DNMBP: variants seen among roughly 807,000 people sequenced by gnomAD.
DNMBP encodes dynamin binding protein, also known as dynamin-binding protein.
In DNMBP, 87 loss-of-function variants were observed where a neutral mutation model predicts 150.0. The ratio of observed to expected loss-of-function variants is 0.58; its 90% CI spans 0.49 to 0.69. The LOEUF (loss-of-function observed/expected upper bound fraction) is 0.69, where lower values mean the gene tolerates loss of function less well. DNMBP is among the 30% of genes least tolerant of loss of function. The pLI is 0.00. For missense variants in DNMBP, 1,774 were observed against 1,949.0 expected (o/e 0.91, Z 1.69); for synonymous variants, 711 against 750.4 (o/e 0.95, Z 0.86).
chr10:99,982,463 A>C (rs745395053), intron 1 of DNMBP, among the ~76,000 whole-genome samples: 3 of 151,778 alleles, frequency 2.0e-5, no homozygotes, highest in Non-Finnish European at 4.4e-5. Flanking sequence ...ATAAATAAAT[A>C]AATAATAAAA....
rs1301154719 is a variant in DNMBP, at chr10:99,909,112, C to T, written c.2295G>A (p.Leu765=). 9 of 1,613,982 alleles carry T rather than the reference C, an allele frequency of 5.6e-6. No homozygotes were observed. The African/African-American group carries it at 1.2e-4, about 22-fold the overall frequency. ...CAGACACAGACCCAGAAGGGGCCAC[C>T]AGTGATGAAGACTGGGAGGAGAGGA... ...MTLLSSQSSS[L]VAPSGSVSAE... Residue 765 remains leucine (L), a synonymous_variant, in exon 5 of 17, where the codon CTG becomes CTA. Transcript: ENST00000324109.
intron 1 of DNMBP, among the ~76,000 whole-genome samples, chr10:99,977,076 A>G (rs971481788): frequency 5.3e-5 from 8 of 152,174 alleles, no homozygotes; most frequent in Admixed American, 3.9e-4. Context: ...TTTTCACTCT[A>G]CCAGAAAATG....
At chr10:99,895,234 C>A (rs11594024) in intron 10 of DNMBP, among the ~76,000 whole-genome samples, 184 bp from the exon 11 acceptor site, 47,565 of 150,090 alleles carry the variant, frequency 0.32, 8,048 homozygotes, top group Non-Finnish European at 0.38. Context: ...TCAAGCAATT[C>A]TCCTGCGTCA....
chr10:99,985,227 T>C (rs2040817238), intron 1 of DNMBP, among the ~76,000 whole-genome samples: 1 of 152,116 alleles, frequency 6.6e-6, no homozygotes, highest in South Asian at 2.1e-4. Context: ...AGTACCAACA[T>C]TTGAGCACCA....
At chr10:99,883,443 G>A (rs980995870) in intron 15 of DNMBP, among the ~76,000 whole-genome samples, 6 of 151,546 alleles carry the variant, frequency 4.0e-5, no homozygotes, top group African/African-American at 1.2e-4. Context: ...GCAGGAGGAC[G>A]GCTTGAGCCT....
At chr10:99,900,545 A>C (rs2039724522) in intron 6 of DNMBP, among the ~76,000 whole-genome samples, 1 of 152,174 alleles carries the variant, frequency 6.6e-6, no homozygotes, top group African/African-American at 2.4e-5. Context: ...CAGAGCCTCC[A>C]GTCCCTTTGC....
rs2039694946 is a variant in DNMBP, at chr10:99,898,671, G to A, written c.2720+72C>T. 10 of 1,520,856 alleles carry A rather than the reference G, an allele frequency of 6.6e-6. No homozygotes were observed. The African/African-American group carries it at 1.1e-4, about 17-fold the overall frequency. The allele number at this position is 1,520,856 out of a possible 1,614,324, so 94.2% of individuals were successfully genotyped here. ...TTTGTCTATAAAGGAAGAAAATACA[G>A]TTGCTTAAGAGTTAGTTAGGAAAAA... On this transcript the variant is annotated intron_variant, in intron 8 of 16. Coordinates refer to ENST00000324109, the MANE Select transcript of DNMBP (RefSeq NM_015221.4).
intron 4 of DNMBP, among the ~76,000 whole-genome samples, chr10:99,918,249 G>A (rs959398562): frequency 2.6e-5 from 4 of 151,932 alleles, no homozygotes; most frequent in African/African-American, 4.8e-5. Context: ...CTTCTACTTG[G>A]AGAAATTTTA....
intron 14 of DNMBP, among the ~76,000 whole-genome samples, chr10:99,885,219 C>G (rs553703009): frequency 2.6e-5 from 4 of 151,936 alleles, no homozygotes; most frequent in South Asian, 4.2e-4. Flanking sequence ...CCCTCCCCCC[C>G]ACAAAAAAAG....
chr10:99,949,010 A>AAATAAATAAATG (rs547171846), intron 4 of DNMBP, among the ~76,000 whole-genome samples: 5 of 148,706 alleles, frequency 3.4e-5, no homozygotes, highest in African/African-American at 7.4e-5. Flanking sequence ...ATAAATAAAT[A>AAATAAATAAATG]AATGCAGAGT....
intron 11 of DNMBP, 75 bp from the exon 12 acceptor site, chr10:99,889,028 A>AT: frequency 6.6e-7 from 1 of 1,521,332 alleles, no homozygotes; most frequent in African/African-American, 1.4e-5. Flanking sequence ...CCAAGACTGA[A>AT]TAGCAGTCTT....
In DNMBP at chr10:99,891,706, G is replaced by A. The variant is rs372637137; in HGVS notation, c.3157-2753C>T. On this transcript the variant is annotated intron_variant, in intron 11 of 16. Transcript: ENST00000324109. The stretch of plus-strand genomic sequence containing the variant: ...AAGTGAGGAGCGTCTCTGCCCGGCC[G>A]CCATCCCACCTGGGAAGTGAGGAGC... 2.7e-5 allele frequency among the ~76,000 whole-genome samples: 4 copies of A among 148,150 alleles called. No individual in the cohort carries two copies. In the East Asian group the frequency reaches 5.9e-4, roughly 22 times the overall value.
At chr10:99,987,086 T>G (rs1589450258) in intron 1 of DNMBP, among the ~76,000 whole-genome samples, 1 of 143,002 alleles carries the variant, frequency 7.0e-6, no homozygotes. Context: ...ACCCGGGAGG[T>G]GGAGCTTTCA....
At chr10:99,900,124 A>G in intron 6 of DNMBP, 58 bp from the exon 7 acceptor site, 2 of 1,595,332 alleles carry the variant, frequency 1.3e-6, no homozygotes, top group Non-Finnish European at 1.7e-6. Context: ...CAGTATACTA[A>G]ATGTAAGGTA....
chr10:99,923,900 T>C (rs1290704613), intron 4 of DNMBP, among the ~76,000 whole-genome samples: 1 of 24,956 alleles, frequency 4.0e-5, no homozygotes, highest in Non-Finnish European at 6.8e-5. Flanking sequence ...ACGTCTGTAA[T>C]CCCAGCACTT....
chr10:99,881,471 T>C (rs933781304), intron 15 of DNMBP, among the ~76,000 whole-genome samples: 6 of 152,214 alleles, frequency 3.9e-5, no homozygotes, highest in African/African-American at 1.4e-4. Context: ...TGCGTGAGCA[T>C]CCACGTGACA....
chr10:99,973,392 G>A (rs982812867), intron 1 of DNMBP, among the ~76,000 whole-genome samples: 1 of 152,192 alleles, frequency 6.6e-6, no homozygotes, highest in Non-Finnish European at 1.5e-5. Flanking sequence ...GAAGAGGGCA[G>A]TAATGAAATT....
rs776864015 is a variant in DNMBP at position 99,885,834 on chromosome 10, A to T, written c.3651T>A (p.Leu1217=). 9.9e-6 allele frequency: 16 copies of T among 1,613,252 alleles called. No individual in the cohort carries two copies. The highest frequency in any genetic ancestry group is 1.3e-5 in the Non-Finnish European group (15 of 1,179,800). Residue 1217 remains leucine (L), a synonymous_variant, in exon 14 of 17, where the codon CTT becomes CTA. Transcript: ENST00000324109. The stretch of plus-strand genomic sequence containing the variant: ...TGTGCTCTTCGTGGAAGATGGCAAT[A>T]AGGTTTCCCTCTCTGCCAGCCACTT... ...LLKVAGREGN[L]IAIFHEEHSR... is the part of the protein sequence containing the mutation.
chr10:99,896,517 T>C lies in DNMBP; in HGVS notation c.2921-120A>G, dbSNP rs1165393055. 10 of 953,934 alleles carry C rather than the reference T, an allele frequency of 1.0e-5. No homozygotes were observed. The Admixed American group carries it at 1.7e-4, about 16-fold the overall frequency. The allele number at this position is 953,934 out of a possible 1,614,324, so 59.1% of individuals were successfully genotyped here. On this transcript the variant is annotated intron_variant, in intron 9 of 16. Transcript: ENST00000324109. ...TGTCTTCAATGAGCTTATAACAAAA[T>C]ATTAATCCAAATAATGATTTATGGA...
Sources: allele counts gnomAD v4.1 joint callset (sites outside exome capture counted in the v4.1 genomes callset), GRCh38; gene constraint gnomAD v4.1.1; transcripts MANE v1.5; gene names NCBI Gene and HGNC (gene_info 2026-07-23, HGNC 2026-07-21).